The following PTPRN2 variants were observed in gnomAD, a reference collection of about 807,000 sequenced individuals.
The protein encoded by PTPRN2 is receptor-type tyrosine-protein phosphatase N2.
Under a neutral mutation model 118.8 loss-of-function variants are expected in PTPRN2, and 74 were observed. The observed-to-expected ratio is 0.62, with a 90% CI of 0.52 to 0.76. PTPRN2 has a LOEUF of 0.76. Among genes scored for constraint, PTPRN2 ranks in the 30% least tolerant of loss-of-function variants. PTPRN2 has a pLI of 0.00. For missense variants in PTPRN2, 1,481 were observed against 1,394.4 expected (o/e 1.06, Z -0.99); for synonymous variants, 641 against 608.0 (o/e 1.05, Z -0.80).
At chr7:157,631,194 A>T (rs892149415) in intron 14 of PTPRN2, among the ~76,000 whole-genome samples, 1 of 152,216 alleles carries the variant, frequency 6.6e-6, no homozygotes, top group Admixed American at 6.5e-5. Flanking sequence ...GTGGAGTAAC[A>T]GAAAATTATA....
chr7:158,456,303 C>T (rs1451041847), intron 2 of PTPRN2, among the ~76,000 whole-genome samples: 15 of 132,326 alleles, frequency 1.1e-4, no homozygotes, highest in East Asian at 7.2e-4. Flanking sequence ...GATAATGGCA[C>T]GGATGCCATC....
rs183477547 is a variant in PTPRN2 at position 158,386,645 on chromosome 7, T to C, written c.164-69713A>G. On this transcript the variant is annotated intron_variant, in intron 2 of 22. Coordinates refer to ENST00000389418, the MANE Select transcript of PTPRN2 (RefSeq NM_002847.5). The stretch of plus-strand genomic sequence containing the variant: ...TCGATCATCCAAATGCCCAAACATT[T>C]AACCTGGAAAAAAATGGATCCTTCA... 3.8e-3 allele frequency among the ~76,000 whole-genome samples: 573 copies of C among 152,246 alleles called. 6 individuals carry two copies. The highest frequency in any genetic ancestry group is 0.013 in the African/African-American group (544 of 41,546).
rs939886409 is a variant in PTPRN2, at chr7:157,953,625, C to A, written c.1724-54888G>T. On this transcript the variant is annotated intron_variant, in intron 11 of 22. Transcript: ENST00000389418. This position sits in a 1 kb window ranked among gnomAD's most constrained non-coding sequence, Gnocchi z 4.6. ...ATCCTGACACTGCCCTGCTTGGACA[C>A]TCTCTGGACAGGAGACACCTCACCC... Among the ~76,000 whole-genome samples, 1 of 152,082 alleles carries A rather than the reference C, an allele frequency of 6.6e-6. No individual in the cohort carries two copies. The highest frequency in any genetic ancestry group is 1.5e-5 in the Non-Finnish European group (1 of 68,010).
intron 10 of PTPRN2, among the ~76,000 whole-genome samples, chr7:158,083,755 C>T (rs949103991): frequency 1.1e-4 from 17 of 152,164 alleles, no homozygotes; most frequent in Non-Finnish European, 2.1e-4. Context: ...ACCCAGTGAC[C>T]ATCGCCGTCA....
chr7:157,799,097 G>A (rs1362228328), intron 12 of PTPRN2, among the ~76,000 whole-genome samples: 1 of 152,202 alleles, frequency 6.6e-6, no homozygotes, highest in African/African-American at 2.4e-5. Flanking sequence ...CAACCCCATC[G>A]GGTCAGAGAG....
At chr7:158,116,309 C>T (rs1816723159) in intron 9 of PTPRN2, among the ~76,000 whole-genome samples, 1 of 152,186 alleles carries the variant, frequency 6.6e-6, no homozygotes, top group Admixed American at 6.5e-5. Flanking sequence ...GAGTAGGAAA[C>T]ACCAGGAATC....
In PTPRN2 at chr7:158,569,664, CCTAA is replaced by C. The variant is rs373893454; in HGVS notation, c.112+17890_112+17893del. Among the ~76,000 whole-genome samples the C allele has an allele frequency of 4.3e-3, 586 of 135,184 alleles. 29 individuals carry two copies. Among genetic ancestry groups the C allele is most frequent in the African/African-American group, 0.015 (547 of 36,322 alleles). The allele number at this position is 135,184 out of a possible 152,430, so 88.7% of individuals were successfully genotyped here. On this transcript the variant is annotated intron_variant, in intron 1 of 22. Transcript: ENST00000389418. Reference sequence around the variant, plus strand: ...AACAAGAACGCGGGGCGCGAGGCCGCCTAACTGACAGGAACGCGGGGCGCGAGGC... The same window carrying C: ...AACAAGAACGCGGGGCGCGAGGCCGCCTGACAGGAACGCGGGGCGCGAGGC...
intron 12 of PTPRN2, among the ~76,000 whole-genome samples, chr7:157,797,337 A>G (rs1270627636): frequency 6.6e-6 from 1 of 152,228 alleles, no homozygotes; most frequent in Non-Finnish European, 1.5e-5. Flanking sequence ...CCTGCAGGAC[A>G]TCCCATCGCT....
At position 158,369,735 on chromosome 7, in the gene PTPRN2, A is replaced by G. The variant is rs187527169; in HGVS notation, c.164-52803T>C. Among the ~76,000 whole-genome samples the G allele has an allele frequency of 9.2e-5, 14 of 152,380 alleles. No individual in the cohort carries two copies. In the East Asian group the frequency reaches 2.7e-3, roughly 29 times the overall value. Reference sequence around the variant, plus strand: ...GAGAGCCACAAAATGATTCTGTAGCACGGAAAAGGCAAACCTACATTGAAG... The same window carrying G: ...GAGAGCCACAAAATGATTCTGTAGCGCGGAAAAGGCAAACCTACATTGAAG... On this transcript the variant is annotated intron_variant, in intron 2 of 22. Coordinates refer to ENST00000389418, the MANE Select transcript of PTPRN2 (RefSeq NM_002847.5).
chr7:157,651,000 C>T (rs981574927), intron 14 of PTPRN2, among the ~76,000 whole-genome samples: 5 of 152,230 alleles, frequency 3.3e-5, no homozygotes, highest in Non-Finnish European at 7.3e-5. Flanking sequence ...GGCCGTGAGC[C>T]GTGTGGGTCT....
chr7:158,418,449 T>C (rs7783553), intron 2 of PTPRN2, among the ~76,000 whole-genome samples: 59,059 of 140,060 alleles, frequency 0.42, 13,193 homozygotes, highest in Non-Finnish European at 0.48. Flanking sequence ...TAGCTCTCAG[T>C]GTCCCGCTGT....
chr7:158,487,009 T>G (rs1004557150), intron 2 of PTPRN2, among the ~76,000 whole-genome samples: 1 of 152,242 alleles, frequency 6.6e-6, no homozygotes, highest in African/African-American at 2.4e-5. Flanking sequence ...GTACGTCACA[T>G]GCGTGGAATC....
At chr7:158,206,455 G>A (rs1161139724) in intron 3 of PTPRN2, among the ~76,000 whole-genome samples, 1 of 152,152 alleles carries the variant, frequency 6.6e-6, no homozygotes, top group African/African-American at 2.4e-5. Flanking sequence ...ATGGGCCTTG[G>A]GTAAGACTCA....
chr7:157,852,249 A>G (rs751426556), intron 12 of PTPRN2, among the ~76,000 whole-genome samples: 2 of 152,264 alleles, frequency 1.3e-5, no homozygotes, highest in African/African-American at 2.4e-5. Flanking sequence ...CTGAAGGCAC[A>G]GTATTTTTTT....
At chr7:157,704,172 C>T (rs185755342) in intron 12 of PTPRN2, among the ~76,000 whole-genome samples, 1 of 152,330 alleles carries the variant, frequency 6.6e-6, no homozygotes, top group Admixed American at 6.5e-5. Context: ...GTGACTGAGG[C>T]AAGTGGCTTC....
intron 21 of PTPRN2, among the ~76,000 whole-genome samples, chr7:157,549,600 C>T (rs868470838): frequency 3.9e-5 from 6 of 152,132 alleles, no homozygotes; most frequent in South Asian, 2.1e-4. Context: ...TAGACAGCAC[C>T]GATCTCACGG....
At chr7:158,543,295 G>A (rs1429736512) in intron 1 of PTPRN2, among the ~76,000 whole-genome samples, 1 of 152,164 alleles carries the variant, frequency 6.6e-6, no homozygotes, top group Non-Finnish European at 1.5e-5. Flanking sequence ...CTGAAGGTGG[G>A]TGGGAAGAAG....
At chr7:158,406,680 T>C (rs1813471481) in intron 2 of PTPRN2, among the ~76,000 whole-genome samples, 2 of 152,220 alleles carry the variant, frequency 1.3e-5, no homozygotes, top group South Asian at 2.1e-4. Flanking sequence ...AGACCTGCCC[T>C]GTTCACACAC....
chr7:157,696,234 C>G (rs777277335), intron 12 of PTPRN2, among the ~76,000 whole-genome samples: 1 of 141,516 alleles, frequency 7.1e-6, no homozygotes, highest in Non-Finnish European at 1.5e-5. Context: ...CACCATCTAC[C>G]CATGCATACT....
Sources: allele counts gnomAD v4.1 joint callset (sites outside exome capture counted in the v4.1 genomes callset), GRCh38; gene constraint gnomAD v4.1.1; non-coding constraint Gnocchi (gnomAD v3.1); transcripts MANE v1.5; gene names NCBI Gene and HGNC (gene_info 2026-07-23, HGNC 2026-07-21).